SNX29: variants seen among roughly 807,000 people sequenced by gnomAD.
SNX29 encodes the protein sorting nexin 29, also known as sorting nexin-29.
A neutral mutation model predicts 102.1 loss-of-function variants in SNX29; 78 were observed. That is an observed-to-expected ratio of 0.76 (90% CI 0.64 to 0.92). The LOEUF is 0.92. SNX29 is among the 40% of genes least tolerant of loss of function. The pLI, the probability that SNX29 is intolerant of heterozygous loss-of-function variation, is 0.00. For missense variants in SNX29, 1,280 were observed against 1,061.7 expected, an observed-to-expected ratio of 1.21 and a Z score of -2.86; for synonymous variants, 580 against 414.5, an observed-to-expected ratio of 1.40 and a Z score of -4.85.
chr16:12,408,939 A>G (rs888678269), intron 18 of SNX29, among the ~76,000 whole-genome samples: 3 of 152,370 alleles, frequency 2.0e-5, no homozygotes, highest in East Asian at 3.9e-4. Flanking sequence ...GGCACAGAGG[A>G]TTCTAGCAAG....
chr16:12,539,546 C>T (rs1313731537), intron 20 of SNX29, among the ~76,000 whole-genome samples: 2 of 152,214 alleles, frequency 1.3e-5, no homozygotes, highest in African/African-American at 2.4e-5. Flanking sequence ...CTAGTGGAAA[C>T]ATTCAAGTGC....
At chr16:12,357,742 C>T (rs562927132) in intron 16 of SNX29, among the ~76,000 whole-genome samples, 19 of 152,276 alleles carry the variant, frequency 1.2e-4, no homozygotes, top group East Asian at 1.2e-3. Context: ...CTTTGTTCCT[C>T]TATGAATCCA....
At position 12,362,840 on chromosome 16, in the gene SNX29, C is replaced by T. The variant is rs912553808; in HGVS notation, c.1899+6561C>T. ...TATCACTGATCAGTGTTATCTTTCC[C>T]GCGTCCACAAGGGCAAGTTTTTGTT... On this transcript the variant is annotated intron_variant, in intron 16 of 20. Coordinates refer to ENST00000566228, the MANE Select transcript of SNX29 (RefSeq NM_032167.5). Among the ~76,000 whole-genome samples the T allele has an allele frequency of 3.9e-5, 6 of 152,182 alleles. No individual in the cohort carries two copies. The East Asian group carries it at 5.8e-4, about 15-fold the overall frequency.
intron 15 of SNX29, among the ~76,000 whole-genome samples, chr16:12,320,910 G>A (rs1381786155): frequency 1.3e-5 from 2 of 152,162 alleles, no homozygotes; most frequent in Admixed American, 6.5e-5. Context: ...AAGGATGGCG[G>A]CAGTGTTTAA....
At chr16:12,479,298 G>A (rs2087799405) in intron 19 of SNX29, among the ~76,000 whole-genome samples, 1 of 152,224 alleles carries the variant, frequency 6.6e-6, no homozygotes, top group African/African-American at 2.4e-5. Context: ...AGGAGGTACC[G>A]TGCTAGCATT....
At chr16:12,549,725 CAA>C (rs1443565304) in intron 20 of SNX29, among the ~76,000 whole-genome samples, 4 of 152,218 alleles carry the variant, frequency 2.6e-5, no homozygotes, top group Non-Finnish European at 5.9e-5. Flanking sequence ...AGTCACCCTA[CAA>C]AGTGTGTTCC....
At chr16:12,140,929 G>C (rs1241741416) in intron 13 of SNX29, among the ~76,000 whole-genome samples, 1 of 152,050 alleles carries the variant, frequency 6.6e-6, no homozygotes, top group East Asian at 1.9e-4. Context: ...ACTTATACAA[G>C]TAATTTAAAA....
At chr16:12,394,902 T>A (rs1190825025) in intron 16 of SNX29, among the ~76,000 whole-genome samples, 3 of 152,160 alleles carry the variant, frequency 2.0e-5, no homozygotes, top group Non-Finnish European at 4.4e-5. Flanking sequence ...GGGCAGCCTT[T>A]GATGATACTG....
chr16:12,083,529 C>G (rs910284389), intron 11 of SNX29, among the ~76,000 whole-genome samples: 1 of 152,138 alleles, frequency 6.6e-6, no homozygotes, highest in Non-Finnish European at 1.5e-5. Flanking sequence ...GAGCCCCATG[C>G]TTATGACCTT....
intron 20 of SNX29, among the ~76,000 whole-genome samples, chr16:12,564,621 C>G (rs957640051): frequency 6.6e-5 from 10 of 151,332 alleles, no homozygotes; most frequent in Non-Finnish European, 1.3e-4. Flanking sequence ...GACCTAGTCC[C>G]AGCATTAACA....
intron 16 of SNX29, among the ~76,000 whole-genome samples, chr16:12,391,780 T>G (rs571242332): frequency 1.3e-5 from 2 of 152,230 alleles, no homozygotes; most frequent in Non-Finnish European, 2.9e-5. Flanking sequence ...TCATGCCATT[T>G]CCTGGTGTTT....
chr16:12,353,783 G>T (rs1351028469), intron 15 of SNX29, among the ~76,000 whole-genome samples: 1 of 152,198 alleles, frequency 6.6e-6, no homozygotes, highest in Non-Finnish European at 1.5e-5. Context: ...GAAAGGCTGG[G>T]GCTGCATCTT....
chr16:12,474,475 C>T (rs535787119), intron 18 of SNX29, among the ~76,000 whole-genome samples: 36 of 152,028 alleles, frequency 2.4e-4, no homozygotes, highest in Non-Finnish European at 4.0e-4. Flanking sequence ...AGAGGCAGGG[C>T]GTGGGCAGGA....
intron 13 of SNX29, among the ~76,000 whole-genome samples, chr16:12,159,649 C>G (rs2141655336): frequency 6.6e-6 from 1 of 152,246 alleles, no homozygotes; most frequent in Non-Finnish European, 1.5e-5. Context: ...CACTTGAGCC[C>G]AGAAGTTTGA....
chr16:12,383,922 G>T (rs1026716656), intron 16 of SNX29, among the ~76,000 whole-genome samples: 11 of 151,884 alleles, frequency 7.2e-5, no homozygotes, highest in African/African-American at 2.7e-4. Context: ...GTCTCCATGA[G>T]TTCAATTGTT....
chr16:11,987,670 C>T (rs1472178059), intron 1 of SNX29, among the ~76,000 whole-genome samples: 4 of 152,176 alleles, frequency 2.6e-5, no homozygotes, highest in African/African-American at 7.2e-5. Flanking sequence ...GCTGGGATTA[C>T]AGGCGTGAGC....
At chr16:12,165,301 T>G (rs2141698448) in intron 13 of SNX29, among the ~76,000 whole-genome samples, 1 of 152,362 alleles carries the variant, frequency 6.6e-6, no homozygotes, top group South Asian at 2.1e-4. Flanking sequence ...TGCTCCCTTT[T>G]GCAGTGTGCT....
intron 11 of SNX29, among the ~76,000 whole-genome samples, chr16:12,108,911 A>G (rs967103000): frequency 2.0e-5 from 3 of 152,122 alleles, no homozygotes; most frequent in Non-Finnish European, 4.4e-5. Flanking sequence ...CAGGTGGATC[A>G]CACGGCAGGA....
At chr16:12,481,425 C>T (rs1352390225) in intron 19 of SNX29, among the ~76,000 whole-genome samples, 5 of 149,634 alleles carry the variant, frequency 3.3e-5, no homozygotes, top group Non-Finnish European at 7.4e-5. Flanking sequence ...TACATACACA[C>T]ATATACACAT....
Sources: allele counts gnomAD v4.1 joint callset (sites outside exome capture counted in the v4.1 genomes callset), GRCh38; gene constraint gnomAD v4.1.1; transcripts MANE v1.5; gene names NCBI Gene and HGNC (gene_info 2026-07-23, HGNC 2026-07-21).